MCRS1: variants seen among roughly 807,000 people sequenced by gnomAD.
MCRS1 encodes the protein 58 kDa microspherule protein.
In MCRS1, 22 loss-of-function variants were observed where a neutral mutation model predicts 62.9. The observed-to-expected ratio is 0.35, with a 90% confidence interval of 0.25 to 0.50. MCRS1 has a LOEUF of 0.50. MCRS1 is among the 20% of genes least tolerant of loss of function. MCRS1 has a pLI of 0.98. For synonymous variants in MCRS1, 244 were observed against 233.5 expected, an observed-to-expected ratio of 1.04 and a Z score of -0.41; for missense variants, 456 against 601.1, an observed-to-expected ratio of 0.76 and a Z score of 2.52.
chr12:49,565,302 C>T (rs969771483), intron 4 of MCRS1: 9 of 985,290 alleles, frequency 9.1e-6, no homozygotes, highest in African/African-American at 3.5e-5. Context: ...GCCTCCCACA[C>T]GGAATGTGAT....
Position 49,558,985 on chromosome 12 carries a change from A to G in MCRS1, c.1175-15T>C. 3 of 1,610,458 alleles carry G rather than the reference A, an allele frequency of 1.9e-6. No individual in the cohort carries two copies. The highest frequency in any genetic ancestry group is 2.5e-6 in the Non-Finnish European group (3 of 1,179,864). ...CTTGATGACACCTGTGGAAGCAGAA[A>G]GAAAGAAGGGATGATGGGATGGGGA... On this transcript the variant is annotated splice_polypyrimidine_tract_variant and intron_variant, in intron 13 of 14. Transcript: ENST00000343810.
intron 8 of MCRS1, 147 bp from the exon 9 acceptor site, chr12:49,560,517 G>T: frequency 2.9e-6 from 2 of 700,162 alleles, no homozygotes; most frequent in Non-Finnish European, 5.2e-6. Flanking sequence ...ATTAGGCTGG[G>T]CTCTAATTTG....
chr12:49,559,598 A>C lies in MCRS1; in HGVS notation c.1004-63T>G. ...GGGCCAGAATGCAAGGCAGGGAACC[A>C]GGGCAAGGTTTATAAGGGAAGGGGG... On this transcript the variant is annotated intron_variant, in intron 11 of 14. Coordinates refer to ENST00000343810, the MANE Select transcript of MCRS1 (RefSeq NM_006337.5). This position sits in a 1 kb window ranked among gnomAD's most constrained non-coding sequence, Gnocchi z 5.2. The C allele has an allele frequency of 6.3e-7, 1 of 1,599,250 alleles. No individual in the cohort carries two copies. Among genetic ancestry groups the C allele is most frequent in the African/African-American group, 1.3e-5 (1 of 74,792 alleles).
chr12:49,568,035 C>G lies in MCRS1; in HGVS notation c.-111+13G>C, dbSNP rs1313068835. The G allele has an allele frequency of 6.6e-6, 1 of 152,198 alleles. No homozygotes were observed. The highest frequency in any genetic ancestry group is 2.4e-5 in the African/African-American group (1 of 41,436). The allele number at this position is 152,198 out of a possible 1,614,324, so 9.4% of individuals were successfully genotyped here. A position where few individuals can be genotyped will look rare whatever the true frequency, so the allele number is the denominator to read the frequency against. ...CCTCTGAGAACCCTCAGAGGCGAAC[C>G]GCGAGGTCTCACCATTCCTAGACTG... On this transcript the variant is annotated intron_variant, in intron 1 of 14. Coordinates refer to ENST00000343810, the MANE Select transcript of MCRS1 (RefSeq NM_006337.5).
In MCRS1 at chr12:49,559,677, C is replaced by A. The variant is rs1256722434; in HGVS notation, c.1003+52G>T. The A allele has an allele frequency of 5.6e-6, 9 of 1,608,268 alleles. No individual in the cohort carries two copies. In the Middle Eastern group the frequency reaches 5.1e-4, roughly 90 times the overall value. ...AGCCAGGCAGCAACAGGGGCACAGG[C>A]TGGGGCGAAGGATGCTGAAGAGTGA... On this transcript the variant is annotated intron_variant, in intron 11 of 14. Transcript: ENST00000343810. This position sits in a 1 kb window ranked among gnomAD's most constrained non-coding sequence, Gnocchi z 5.2.
chr12:49,561,650 G>A (rs1302466774), intron 8 of MCRS1, among the ~76,000 whole-genome samples: 3 of 151,980 alleles, frequency 2.0e-5, no homozygotes, highest in African/African-American at 7.2e-5. Context: ...CTTTTTTTGA[G>A]ATGGAGTCTT....
Position 49,565,645 on chromosome 12 carries a change from C to T in MCRS1, c.172G>A (p.Asp58Asn), listed in dbSNP as rs1939018006. 2 of 1,614,114 alleles carry T rather than the reference C, an allele frequency of 1.2e-6. No homozygotes were observed. The highest frequency in any genetic ancestry group is 1.7e-6 in the Non-Finnish European group (2 of 1,180,006). The change falls in exon 4 of 15, where the codon GAT becomes AAT. Residue 58 changes from aspartate to asparagine, a missense_variant. Transcript: ENST00000343810. ...AGGCTGCTCTCCACCAGCTCATCAT[C>T]GAACTTCTTCCTCTTGATGAACCTG... ...SSRFIKRKKF[D>N]DELVESSLAK...
intron 2 of MCRS1, 91 bp from the exon 3 acceptor site, chr12:49,566,306 C>G (rs544749521): frequency 2.9e-5 from 45 of 1,561,598 alleles, no homozygotes; most frequent in Non-Finnish European, 3.6e-5. Context: ...CCCTGCCAGC[C>G]CTCTTGGCCC....
chr12:49,558,307 A>G lies in MCRS1; in HGVS notation c.*336T>C. 2.5e-6 allele frequency: 1 copy of G among 403,536 alleles called. No homozygotes were observed. Among genetic ancestry groups the G allele is most frequent in the East Asian group, 3.6e-5 (1 of 28,134 alleles). 25.0% of individuals were successfully genotyped at this position (403,536 alleles called of 1,614,324 possible). On this transcript the variant is annotated 3_prime_UTR_variant, in exon 15 of 15. Coordinates refer to ENST00000343810, the MANE Select transcript of MCRS1 (RefSeq NM_006337.5). ...AAAAAAATAAAATAAACTACTTTGG[A>G]ACCTGGTGCTTTTTATTTACAAAAG... is the stretch of plus-strand genomic sequence containing the variant.
rs781041973 is a variant in MCRS1, at chr12:49,565,523, C to G, written c.288+6G>C. The stretch of plus-strand genomic sequence containing the variant: ...CTCCCATCCCCTAAGTCTCCCAATT[C>G]CTCACCTTCTTCTTCTCACTGGAGG... On this transcript the variant is annotated splice_donor_region_variant and intron_variant, in intron 4 of 14. Transcript: ENST00000343810. 5.1e-6 allele frequency: 8 copies of G among 1,574,978 alleles called. No individual in the cohort carries two copies. Among genetic ancestry groups the G allele is most frequent in the Non-Finnish European group, 1.7e-6 (2 of 1,162,054 alleles).
Position 49,566,119 on chromosome 12 carries a change from G to A in MCRS1, c.107C>T (p.Ser36Phe), listed in dbSNP as rs544005289. ...TTTAGGGATGGTGCCCAAGGCCTGG[G>A]AGGAGGCTCGCTTCTGCCCTGCCAG... ...ESLAGQKRAS[S>F]QALGTIPKRR... Residue 36 changes from serine (S) to phenylalanine (F), a missense_variant, in exon 3 of 15, where the codon TCC becomes TTC. Transcript: ENST00000343810. The A allele has an allele frequency of 6.2e-7, 1 of 1,614,240 alleles. No individual in the cohort carries two copies. Among genetic ancestry groups the A allele is most frequent in the Admixed American group, 1.7e-5 (1 of 60,022 alleles).
At chr12:49,562,943 GACAC>G in intron 8 of MCRS1, 54 bp downstream of exon 8, 1 of 1,532,672 alleles carries the variant, frequency 6.5e-7, no homozygotes, top group Non-Finnish European at 8.8e-7. Context: ...GAGTACTTCA[GACAC>G]ACACACACAT....
Position 49,559,087 on chromosome 12 carries a change from G to C in MCRS1, c.1175-117C>G. 6.5e-7 allele frequency: 1 copy of C among 1,540,078 alleles called. No individual in the cohort carries two copies. Among genetic ancestry groups the C allele is most frequent in the Non-Finnish European group, 8.9e-7 (1 of 1,121,956 alleles). ...CAGCTCTGCTTCCTGCAGACACCAAGGAATCCCTGCCTCAGGTGGTCCACG... is the reference window on the plus strand; with the variant it reads ...CAGCTCTGCTTCCTGCAGACACCAACGAATCCCTGCCTCAGGTGGTCCACG... On this transcript the variant is annotated intron_variant, in intron 13 of 14. Transcript: ENST00000343810. The surrounding 1 kb of genome is among the most constrained non-coding windows in gnomAD (Gnocchi z 5.2).
rs1035548793 is a variant in MCRS1 at position 49,560,357 on chromosome 12, G to C, written c.819C>G (p.Pro273=). The C allele has an allele frequency of 1.2e-6, 2 of 1,614,090 alleles. No individual in the cohort carries two copies. Among genetic ancestry groups the C allele is most frequent in the African/African-American group, 2.7e-5 (2 of 74,924 alleles). The change falls in exon 9 of 15, where the codon CCC becomes CCG. Residue 273 remains proline, a synonymous_variant. Transcript: ENST00000343810. ...AGAAGTTCAGCACTTGGTCCCCTTTGGGCAGCGGCTGCACTGAACAAAGGA... is the reference window on the plus strand; with the variant it reads ...AGAAGTTCAGCACTTGGTCCCCTTTCGGCAGCGGCTGCACTGAACAAAGGA... ...LLEDQTVQPL[P]KGDQVLNFSD...
rs575879077 is a variant in MCRS1, at chr12:49,559,605, G to C, written c.1004-70C>G. The stretch of plus-strand genomic sequence containing the variant: ...AATGCAAGGCAGGGAACCAGGGCAA[G>C]GTTTATAAGGGAAGGGGGTCGGGGC... On this transcript the variant is annotated intron_variant, in intron 11 of 14. Coordinates refer to ENST00000343810, the MANE Select transcript of MCRS1 (RefSeq NM_006337.5). The surrounding 1 kb of genome is among the most constrained non-coding windows in gnomAD (Gnocchi z 5.2). 2.4e-4 allele frequency: 375 copies of C among 1,594,504 alleles called. 6 individuals are homozygous for C. The South Asian group carries it at 3.8e-3, about 16-fold the overall frequency.
Position 49,563,103 on chromosome 12 carries a change from G to A in MCRS1, c.703C>T (p.Leu235=). 6.4e-7 allele frequency: 1 copy of A among 1,565,264 alleles called. No individual in the cohort carries two copies. The highest frequency in any genetic ancestry group is 8.7e-7 in the Non-Finnish European group (1 of 1,153,530). The part of the protein sequence containing the change: ...QPTLETFQDL[L]HRHPDAFYLA... ...TAGAAGGCATCAGGGTGTCTGTGCA[G>A]CAGGTCCTGGAAGGTCTCCAAGGTG... The change falls in exon 8 of 15, where the codon CTG becomes TTG. Residue 235 remains leucine (L), a synonymous_variant. Coordinates refer to ENST00000343810, the MANE Select transcript of MCRS1 (RefSeq NM_006337.5).
At chr12:49,566,957 G>C (rs750208836) in intron 1 of MCRS1, 116 bp from the exon 2 acceptor site, 2 of 596,658 alleles carry the variant, frequency 3.4e-6, no homozygotes, top group Non-Finnish European at 3.0e-6. Context: ...ATAAGGACAG[G>C]AAAGAGGCAT....
chr12:49,564,392 C>G, intron 6 of MCRS1, 89 bp downstream of exon 6: 1 of 1,132,388 alleles, frequency 8.8e-7, no homozygotes, highest in Non-Finnish European at 1.3e-6. Context: ...CCAGACCCCT[C>G]CTGGGGCCCT....
chr12:49,563,224 A>T, intron 7 of MCRS1, 85 bp from the exon 8 acceptor site: 1 of 1,522,582 alleles, frequency 6.6e-7, no homozygotes, highest in Non-Finnish European at 8.9e-7. Flanking sequence ...CCACCTCAGC[A>T]TCCCCCAGGA....
Sources: allele counts gnomAD v4.1 joint callset (sites outside exome capture counted in the v4.1 genomes callset), GRCh38; gene constraint gnomAD v4.1.1; non-coding constraint Gnocchi (gnomAD v3.1); transcripts MANE v1.5; gene names NCBI Gene and HGNC (gene_info 2026-07-23, HGNC 2026-07-21).